SND1: variants seen among roughly 807,000 people sequenced by gnomAD.
The protein encoded by SND1 is staphylococcal nuclease and tudor domain containing 1, also known as staphylococcal nuclease domain-containing protein 1.
SND1 carries 38 observed loss-of-function variants against 121.7 expected under a neutral mutation model. The observed-to-expected ratio is 0.31, with a 90% CI of 0.24 to 0.41. The LOEUF is 0.41. Among genes scored for constraint, SND1 ranks in the 10% least tolerant of loss-of-function variants. The probability of loss-of-function intolerance (pLI) is 1.00; values close to 1 mark genes in which losing one functional copy is unlikely to be tolerated. For synonymous variants in SND1, 401 were observed against 447.4 expected, an observed-to-expected ratio of 0.90 and a Z score of 1.31; for missense variants, 868 against 1,184.6, an observed-to-expected ratio of 0.73 and a Z score of 3.92.
intron 10 of SND1, among the ~76,000 whole-genome samples, chr7:127,748,349 C>T (rs1217644004): frequency 1.3e-5 from 2 of 152,192 alleles, no homozygotes; most frequent in African/African-American, 2.4e-5. Context: ...TTTCAGAACA[C>T]GCTCATCCCC....
chr7:128,085,659 G>A lies in SND1; in HGVS notation c.2235-52G>A, dbSNP rs59096474. The A allele has an allele frequency of 0.093, 141,729 of 1,528,416 alleles. 7,046 individuals carry two copies. Among genetic ancestry groups the A allele is most frequent in the South Asian group, 0.15 (13,207 of 89,224 alleles). 94.7% of individuals were successfully genotyped at this position (1,528,416 alleles called of 1,614,324 possible). On this transcript the variant is annotated intron_variant, in intron 19 of 23. Transcript: ENST00000354725. This position sits in a 1 kb window ranked among gnomAD's most constrained non-coding sequence, Gnocchi z 4.4. ...CCCCGCCATTGCTGAGGCTCTGGGA[G>A]CCCAGAGTCCTCAGGGCTGTCTCTT...
intron 17 of SND1, among the ~76,000 whole-genome samples, chr7:128,078,039 T>C (rs1793535241): frequency 6.6e-6 from 1 of 152,212 alleles, no homozygotes; most frequent in Non-Finnish European, 1.5e-5. Context: ...GGGCTGAGGA[T>C]GGCTGTGGAA....
intron 16 of SND1, among the ~76,000 whole-genome samples, chr7:128,055,728 C>G (rs949499311): frequency 1.3e-5 from 2 of 152,162 alleles, no homozygotes; most frequent in African/African-American, 4.8e-5. Context: ...TTTATACTGA[C>G]ACATCACTCC....
At chr7:128,070,190 C>T (rs1448815892) in intron 16 of SND1, among the ~76,000 whole-genome samples, 1 of 152,220 alleles carries the variant, frequency 6.6e-6, no homozygotes, top group East Asian at 1.9e-4. Context: ...CAGTGTGGCA[C>T]CACCTGCCCC....
chr7:127,887,422 G>A (rs1378112776), intron 12 of SND1, among the ~76,000 whole-genome samples: 12 of 152,058 alleles, frequency 7.9e-5, no homozygotes, highest in East Asian at 1.9e-4. Context: ...GAAACACTTC[G>A]TTATGTAAAA....
chr7:127,981,273 A>G lies in SND1; in HGVS notation c.1670-9674A>G, dbSNP rs549834762. 4.8e-3 allele frequency among the ~76,000 whole-genome samples: 689 copies of G among 142,434 alleles called. 8 individuals are homozygous for G. Among genetic ancestry groups the G allele is most frequent in the African/African-American group, 0.018 (649 of 35,430 alleles). The allele number at this position is 142,434 out of a possible 152,430, so 93.4% of individuals were successfully genotyped here. On this transcript the variant is annotated intron_variant, in intron 15 of 23. Coordinates refer to ENST00000354725, the MANE Select transcript of SND1 (RefSeq NM_014390.4). ...TATGGATAATAAAGAGAAACCCAGG[A>G]AAAAAAAAAAATTTTTGAAAGGCAC...
chr7:127,878,088 C>T (rs1271417435), intron 12 of SND1, among the ~76,000 whole-genome samples: 1 of 152,018 alleles, frequency 6.6e-6, no homozygotes, highest in Non-Finnish European at 1.5e-5. Flanking sequence ...ACCATGCATC[C>T]TTTTGAGTTC....
Position 127,707,590 on chromosome 7 carries a change from A to G in SND1, c.981A>G (p.Arg327=). The part of the protein sequence containing the change: ...FAKERRLRIW[R]DYVAPTANLD... ...AAGAGCGCAGGCTGAGAATATGGAGAGACTATGTGGCTCCCACAGCTAATT... is the reference window on the plus strand; with the variant it reads ...AAGAGCGCAGGCTGAGAATATGGAGGGACTATGTGGCTCCCACAGCTAATT... The change falls in exon 9 of 24, where the codon AGA becomes AGG. Residue 327 remains arginine (R), a synonymous_variant. Transcript: ENST00000354725. The G allele has an allele frequency of 6.2e-7, 1 of 1,614,128 alleles. No individual in the cohort carries two copies. Among genetic ancestry groups the G allele is most frequent in the Non-Finnish European group, 8.5e-7 (1 of 1,179,982 alleles).
intron 16 of SND1, chr7:128,030,798 A>G: frequency 2.1e-6 from 2 of 940,992 alleles, no homozygotes; most frequent in Non-Finnish European, 3.0e-6. Context: ...GGCCGAAAAA[A>G]ATCCTGCCAA....
chr7:127,682,109 G>GTGTCA (rs1323069804), intron 1 of SND1, among the ~76,000 whole-genome samples: 2 of 152,102 alleles, frequency 1.3e-5, no homozygotes, highest in Admixed American at 1.3e-4. Flanking sequence ...CTGTCTTGTT[G>GTGTCA]TGTCATTGGC....
chr7:127,870,522 C>A (rs1035923384), intron 12 of SND1, among the ~76,000 whole-genome samples: 2 of 152,128 alleles, frequency 1.3e-5, no homozygotes, highest in African/African-American at 2.4e-5. Flanking sequence ...TATGGTATAG[C>A]CTGTTGTTCC....
intron 10 of SND1, among the ~76,000 whole-genome samples, chr7:127,734,586 T>G (rs1587628356): frequency 6.6e-6 from 1 of 152,114 alleles, no homozygotes; most frequent in East Asian, 1.9e-4. Flanking sequence ...TACAGGTGCT[T>G]TATGGTACAT....
In SND1 at chr7:127,838,983, G is replaced by A. The variant is rs76079424; in HGVS notation, c.1243-5341G>A. 4.8e-3 allele frequency among the ~76,000 whole-genome samples: 727 copies of A among 152,270 alleles called. 7 individuals are homozygous for A. The highest frequency in any genetic ancestry group is 0.016 in the African/African-American group (656 of 41,552). ...GTATCTTCCTACAGCAGTGAGATACGCACAGTAAATGTGTTAAACATAAGC... is the reference window on the plus strand; with the variant it reads ...GTATCTTCCTACAGCAGTGAGATACACACAGTAAATGTGTTAAACATAAGC... On this transcript the variant is annotated intron_variant, in intron 11 of 23. Coordinates refer to ENST00000354725, the MANE Select transcript of SND1 (RefSeq NM_014390.4).
At chr7:127,854,447 A>G (rs1046260044) in intron 12 of SND1, among the ~76,000 whole-genome samples, 2 of 151,650 alleles carry the variant, frequency 1.3e-5, no homozygotes, top group Non-Finnish European at 2.9e-5. Context: ...TCTTTTCCAT[A>G]TCTGTCTTTC....
Position 127,970,010 on chromosome 7 carries a change from G to A in SND1, c.1670-20937G>A, listed in dbSNP as rs73455731. On this transcript the variant is annotated intron_variant, in intron 15 of 23. Coordinates refer to ENST00000354725, the MANE Select transcript of SND1 (RefSeq NM_014390.4). ...GATCCAGTGCCCTACGCAGCAGAAG[G>A]GTAATTTCACATTGTAGTCATTATT... is the stretch of plus-strand genomic sequence containing the variant. Among the ~76,000 whole-genome samples, 1,390 of 152,172 alleles carry A rather than the reference G, an allele frequency of 9.1e-3. 31 individuals carry two copies. The highest frequency in any genetic ancestry group is 0.031 in the African/African-American group (1,289 of 41,520).
intron 10 of SND1, among the ~76,000 whole-genome samples, chr7:127,777,100 A>G (rs967337465): frequency 2.0e-5 from 3 of 152,126 alleles, no homozygotes; most frequent in Non-Finnish European, 2.9e-5. Flanking sequence ...TTTTATAACT[A>G]TTAGGTTAAG....
intron 16 of SND1, among the ~76,000 whole-genome samples, chr7:127,996,191 G>C (rs1274300308): frequency 6.6e-6 from 1 of 152,044 alleles, no homozygotes. Flanking sequence ...GTTGCCATTG[G>C]GGAAAAAAAA....
chr7:128,074,307 AAG>A (rs1793466958), intron 16 of SND1, among the ~76,000 whole-genome samples, 193 bp from the exon 17 acceptor site: 1 of 152,158 alleles, frequency 6.6e-6, no homozygotes, highest in Non-Finnish European at 1.5e-5. Context: ...GGGCTCTGAG[AAG>A]AGAGTCGAGT....
At chr7:127,912,596 A>G (rs1397532094) in intron 14 of SND1, among the ~76,000 whole-genome samples, 1 of 152,160 alleles carries the variant, frequency 6.6e-6, no homozygotes, top group African/African-American at 2.4e-5. Context: ...TAACTTATCT[A>G]TATCTGTTCT....
Sources: allele counts gnomAD v4.1 joint callset (sites outside exome capture counted in the v4.1 genomes callset), GRCh38; gene constraint gnomAD v4.1.1; non-coding constraint Gnocchi (gnomAD v3.1); transcripts MANE v1.5; gene names NCBI Gene and HGNC (gene_info 2026-07-23, HGNC 2026-07-21).